KCTD7: variants seen among roughly 807,000 people sequenced by gnomAD.
KCTD7 encodes the protein potassium channel tetramerization domain containing 7.
KCTD7 carries 15 observed loss-of-function variants against 27.0 expected under a neutral mutation model. That is an observed-to-expected ratio of 0.56 (90% CI 0.37 to 0.86). KCTD7 has a LOEUF of 0.86. KCTD7 is among the 40% of genes least tolerant of loss of function. The pLI is 0.00. For synonymous variants in KCTD7, 159 were observed against 162.7 expected (o/e 0.98, Z 0.17); for missense variants, 299 against 398.9 (o/e 0.75, Z 2.13).
chr7:66,629,094 C>T lies in KCTD7; in HGVS notation c.30C>T (p.Asp10=). The change falls in exon 1 of 4, where the codon GAC becomes GAT. Residue 10 remains aspartate, a synonymous_variant. Transcript: ENST00000639828. MVVVTGREP[D]SRRQDGAMSS... ...TGGTAGTCACGGGGCGGGAGCCAGA[C>T]AGCCGTCGTCAGGACGGTGCCATGT... 6.5e-7 allele frequency: 1 copy of T among 1,535,614 alleles called. No individual in the cohort carries two copies. Among genetic ancestry groups the T allele is most frequent in the Non-Finnish European group, 8.7e-7 (1 of 1,143,104 alleles).
At chr7:66,632,840 G>A (rs1786482897) in intron 1 of KCTD7, among the ~76,000 whole-genome samples, 2 of 151,864 alleles carry the variant, frequency 1.3e-5, no homozygotes, top group African/African-American at 2.4e-5. Flanking sequence ...TCAGGAGATC[G>A]AGACCATCCT....
At chr7:66,636,333 T>C (rs567832683) in intron 2 of KCTD7, among the ~76,000 whole-genome samples, 60 of 152,072 alleles carry the variant, frequency 3.9e-4, no homozygotes, top group African/African-American at 1.4e-3. Context: ...GATCTGAGCC[T>C]CTGGCAGCGG....
chr7:66,636,191 G>A (rs4718381), intron 2 of KCTD7, among the ~76,000 whole-genome samples: 6,058 of 147,104 alleles, frequency 0.041, 173 homozygotes, highest in East Asian at 0.09. Flanking sequence ...TATCCCTAGC[G>A]TCCACCGTGA....
chr7:66,639,922 G>C lies in KCTD7; in HGVS notation c.*690G>C, dbSNP rs4718382. ...ATGTTTACAGCCCTGTCTTAGGGCC[G>C]CGGCTTCTCTTATCTTCCACCACCT... On this transcript the variant is annotated 3_prime_UTR_variant, in exon 4 of 4. Coordinates refer to ENST00000639828, the MANE Select transcript of KCTD7 (RefSeq NM_153033.5). The C allele has an allele frequency of 0.046, 56,971 of 1,245,186 alleles. 1,542 individuals are homozygous for C. Among genetic ancestry groups the C allele is most frequent in the East Asian group, 0.12 (3,829 of 32,102 alleles). The allele number at this position is 1,245,186 out of a possible 1,614,324, so 77.1% of individuals were successfully genotyped here.
At chr7:66,633,510 G>A (rs1179426776) in intron 2 of KCTD7, 66 bp downstream of exon 2, 2 of 1,441,428 alleles carry the variant, frequency 1.4e-6, no homozygotes, top group Non-Finnish European at 2.0e-6. Context: ...CTTGAGTATG[G>A]GACCTTGATA....
In KCTD7 at chr7:66,639,349, G is replaced by A. The variant is rs940752551; in HGVS notation, c.*117G>A. 2 of 1,570,576 alleles carry A rather than the reference G, an allele frequency of 1.3e-6. No homozygotes were observed. Among genetic ancestry groups the A allele is most frequent in the African/African-American group, 2.7e-5 (2 of 74,072 alleles). ...CCCAGAATCTGCCGAGGTGAGAACAGCATCCTGAGGCACAGCTCCCAGGGG... is the reference window on the plus strand; with the variant it reads ...CCCAGAATCTGCCGAGGTGAGAACAACATCCTGAGGCACAGCTCCCAGGGG... On this transcript the variant is annotated 3_prime_UTR_variant, in exon 4 of 4. Coordinates refer to ENST00000639828, the MANE Select transcript of KCTD7 (RefSeq NM_153033.5).
In KCTD7 at chr7:66,642,693, C is replaced by G; in HGVS notation, c.*3461C>G. ...GCTCTTGCGTGAAGGTGGTACCTGTCTCATGATCCTTAAAAGAGAGAGGCT... is the reference window on the plus strand; with the variant it reads ...GCTCTTGCGTGAAGGTGGTACCTGTGTCATGATCCTTAAAAGAGAGAGGCT... On this transcript the variant is annotated 3_prime_UTR_variant, in exon 4 of 4. Transcript: ENST00000639828. The G allele has an allele frequency of 1.0e-6, 1 of 985,336 alleles. No individual in the cohort carries two copies. The highest frequency in any genetic ancestry group is 1.2e-6 in the Non-Finnish European group (1 of 829,930). The allele number at this position is 985,336 out of a possible 1,614,324, so 61.0% of individuals were successfully genotyped here.
intron 1 of KCTD7, among the ~76,000 whole-genome samples, chr7:66,629,924 TCTTA>T (rs949875359): frequency 6.6e-5 from 10 of 152,044 alleles, no homozygotes; most frequent in Non-Finnish European, 1.2e-4. Flanking sequence ...CTTCCACGGG[TCTTA>T]CTTAATGTGT....
chr7:66,630,131 G>A (rs968272967), intron 1 of KCTD7, among the ~76,000 whole-genome samples: 6 of 152,130 alleles, frequency 3.9e-5, no homozygotes, highest in East Asian at 1.9e-4. Flanking sequence ...GCCAGGCTTG[G>A]TGGTGTGTGC....
At position 66,639,454 on chromosome 7, in the gene KCTD7, C is replaced by G. The variant is rs1023493281; in HGVS notation, c.*222C>G. 4 of 1,448,228 alleles carry G rather than the reference C, an allele frequency of 2.8e-6. No individual in the cohort carries two copies. Among genetic ancestry groups the G allele is most frequent in the African/African-American group, 1.4e-5 (1 of 70,744 alleles). 89.7% of individuals were successfully genotyped at this position (1,448,228 alleles called of 1,614,324 possible). A position where few individuals can be genotyped will look rare whatever the true frequency, so the allele number is the denominator to read the frequency against. On this transcript the variant is annotated 3_prime_UTR_variant, in exon 4 of 4. Coordinates refer to ENST00000639828, the MANE Select transcript of KCTD7 (RefSeq NM_153033.5). ...TGCGGCCTGCAGGCACTCCAGCCAG[C>G]GCTCACCTGGCCTTTCCTCAAGGCA...
Position 66,629,061 on chromosome 7 carries a change from A to G in KCTD7, c.-4A>G, listed in dbSNP as rs776777389. ...AGCCGCGCCCACTGCCCAGAGCCAG[A>G]GGGATGGTGGTAGTCACGGGGCGGG... On this transcript the variant is annotated 5_prime_UTR_variant, in exon 1 of 4. Coordinates refer to ENST00000639828, the MANE Select transcript of KCTD7 (RefSeq NM_153033.5). 2 of 1,516,292 alleles carry G rather than the reference A, an allele frequency of 1.3e-6. No individual in the cohort carries two copies. Among genetic ancestry groups the G allele is most frequent in the South Asian group, 2.5e-5 (2 of 80,962 alleles). The allele number at this position is 1,516,292 out of a possible 1,614,324, so 93.9% of individuals were successfully genotyped here.
Position 66,629,215 on chromosome 7 carries a change from G to A in KCTD7, c.144+7G>A, listed in dbSNP as rs1786384989. On this transcript the variant is annotated splice_region_variant and intron_variant, in intron 1 of 3. Transcript: ENST00000639828. ...GCCCCTGCTGCCACAGGAGGTACCC[G>A]GGCGGGCGGCGGGCCGCGGGGCGTG... is the stretch of plus-strand genomic sequence containing the variant. 8 of 1,362,940 alleles carry A rather than the reference G, an allele frequency of 5.9e-6. No individual in the cohort carries two copies. Among genetic ancestry groups the A allele is most frequent in the South Asian group, 3.6e-5 (2 of 55,198 alleles). 84.4% of individuals were successfully genotyped at this position (1,362,940 alleles called of 1,614,324 possible). A position where few individuals can be genotyped will look rare whatever the true frequency, so the allele number is the denominator to read the frequency against.
intron 2 of KCTD7, among the ~76,000 whole-genome samples, chr7:66,634,192 TTCTA>T (rs3069694): frequency 0.022 from 3,013 of 139,946 alleles, 57 homozygotes; most frequent in African/African-American, 0.055. Flanking sequence ...ATGTGTGTGA[TTCTA>T]TCTATCTATC....
rs1786704652 is a variant in KCTD7 at position 66,641,114 on chromosome 7, A to G, written c.*1882A>G. 4.1e-6 allele frequency: 4 copies of G among 985,282 alleles called. No homozygotes were observed. Among genetic ancestry groups the G allele is most frequent in the South Asian group, 4.7e-5 (1 of 21,288 alleles). 61.0% of individuals were successfully genotyped at this position (985,282 alleles called of 1,614,324 possible). Reference sequence around the variant, plus strand: ...GGATACTGAGATCTAAGAGGAAAGGATAGTCATTCACGTTCTGAGATATGC... The same window carrying G: ...GGATACTGAGATCTAAGAGGAAAGGGTAGTCATTCACGTTCTGAGATATGC... On this transcript the variant is annotated 3_prime_UTR_variant, in exon 4 of 4. Transcript: ENST00000639828.
Position 66,641,749 on chromosome 7 carries a change from A to T in KCTD7, c.*2517A>T. On this transcript the variant is annotated 3_prime_UTR_variant, in exon 4 of 4. Coordinates refer to ENST00000639828, the MANE Select transcript of KCTD7 (RefSeq NM_153033.5). ...AGTGGCCTAGTTTCGCCATTCTCTA[A>T]TGAGAAACCAAGGCCAGGCTGAAAA... is the stretch of plus-strand genomic sequence containing the variant. The T allele has an allele frequency of 1.0e-6, 1 of 985,456 alleles. No homozygotes were observed. The highest frequency in any genetic ancestry group is 1.2e-6 in the Non-Finnish European group (1 of 829,942). The allele number at this position is 985,456 out of a possible 1,614,324, so 61.0% of individuals were successfully genotyped here. A position where few individuals can be genotyped will look rare whatever the true frequency, so the allele number is the denominator to read the frequency against.
At position 66,638,924 on chromosome 7, in the gene KCTD7, C is replaced by T; in HGVS notation, c.562C>T (p.Leu188Phe). Reference protein sequence around the residue: ...AVQRKARFAKLKVCVFKEEMP... With the variant: ...AVQRKARFAKFKVCVFKEEMP... ...CCAGCGGAAGGCCCGCTTTGCCAAG[C>T]TCAAGGTCTGTGTCTTCAAGGAGGA... Residue 188 changes from leucine (L) to phenylalanine (F), a missense_variant, in exon 4 of 4, where the codon CTC becomes TTC. Coordinates refer to ENST00000639828, the MANE Select transcript of KCTD7 (RefSeq NM_153033.5). 1.2e-6 allele frequency: 2 copies of T among 1,614,194 alleles called. No homozygotes were observed. Among genetic ancestry groups the T allele is most frequent in the East Asian group, 2.2e-5 (1 of 44,880 alleles).
In KCTD7 at chr7:66,632,488, CA is replaced by C. The variant is rs79868578; in HGVS notation, c.145-770del. Among the ~76,000 whole-genome samples, 283 of 52,588 alleles carry C rather than the reference CA, an allele frequency of 5.4e-3. 1 individual carries two copies. The highest frequency in any genetic ancestry group is 0.012 in the South Asian group (22 of 1,788). The allele number at this position is 52,588 out of a possible 152,430, so 34.5% of individuals were successfully genotyped here. A position where few individuals can be genotyped will look rare whatever the true frequency, so the allele number is the denominator to read the frequency against. ...GGTGACACAGGCTGGGACTCCGTCT[CA>C]AAAAAAAAAAAAAAAAGAAAAAGGG... On this transcript the variant is annotated intron_variant, in intron 1 of 3. Transcript: ENST00000639828.
rs916528162 is a variant in KCTD7, at chr7:66,628,891, G to C, written c.-174G>C. The C allele has an allele frequency of 1.5e-5, 8 of 518,342 alleles. No individual in the cohort carries two copies. The highest frequency in any genetic ancestry group is 4.6e-5 in the Admixed American group (1 of 21,736). The allele number at this position is 518,342 out of a possible 1,614,324, so 32.1% of individuals were successfully genotyped here. A position where few individuals can be genotyped will look rare whatever the true frequency, so the allele number is the denominator to read the frequency against. ...GTCGGGTCAGGCCCCAGCTGGGCGCGAGCGGGTCGGCGTTGAGGGAGCCAC... is the reference window on the plus strand; with the variant it reads ...GTCGGGTCAGGCCCCAGCTGGGCGCCAGCGGGTCGGCGTTGAGGGAGCCAC... On this transcript the variant is annotated 5_prime_UTR_variant, in exon 1 of 4. Transcript: ENST00000639828.
Position 66,640,783 on chromosome 7 carries a change from T to C in KCTD7, c.*1551T>C, listed in dbSNP as rs1786696962. The C allele has an allele frequency of 2.0e-6, 2 of 990,292 alleles. No individual in the cohort carries two copies. The highest frequency in any genetic ancestry group is 2.0e-4 in the East Asian group (2 of 10,188). The allele number at this position is 990,292 out of a possible 1,614,324, so 61.3% of individuals were successfully genotyped here. On this transcript the variant is annotated 3_prime_UTR_variant, in exon 4 of 4. Coordinates refer to ENST00000639828, the MANE Select transcript of KCTD7 (RefSeq NM_153033.5). ...AGATTAAGACTGTAGTATACTATGA[T>C]CGTGCCTGTGGCTAGCCACTGTGCT...
Sources: allele counts gnomAD v4.1 joint callset (sites outside exome capture counted in the v4.1 genomes callset), GRCh38; gene constraint gnomAD v4.1.1; transcripts MANE v1.5; gene names NCBI Gene and HGNC (gene_info 2026-07-23, HGNC 2026-07-21).